MYO3B: variants seen among roughly 807,000 people sequenced by gnomAD.
MYO3B encodes the protein myosin-IIIb.
MYO3B carries 156 observed loss-of-function variants against 174.6 expected under a neutral mutation model. The ratio of observed to expected loss-of-function variants is 0.89; its 90% confidence interval spans 0.78 to 1.02. The LOEUF is 1.02. MYO3B is among the 50% of genes least tolerant of loss of function. The pLI, the probability that MYO3B is intolerant of heterozygous loss-of-function variation, is 0.00. For missense variants in MYO3B, 1,632 were observed against 1,639.4 expected (o/e 1.00, Z 0.08); for synonymous variants, 563 against 569.1 (o/e 0.99, Z 0.15).
At chr2:170,640,607 G>A (rs911149922) in intron 32 of MYO3B, 1 of 152,164 alleles carries the variant, frequency 6.6e-6, no homozygotes, top group African/African-American at 2.4e-5. Flanking sequence ...GTAAAATAAA[G>A]TTACTTTTTT....
intron 5 of MYO3B, among the ~76,000 whole-genome samples, chr2:170,216,389 TAGGTGTGA>T (rs2092828603): frequency 6.6e-6 from 1 of 152,224 alleles, no homozygotes; most frequent in South Asian, 2.1e-4. Context: ...CCCTCCGTGT[TAGGTGTGA>T]CTGTTGTGAT....
At chr2:170,646,265 CTGTCTCAAAAAAAAAAAAAAAGTGTTA>C (rs1296236498) in intron 32 of MYO3B, among the ~76,000 whole-genome samples, 1 of 144,376 alleles carries the variant, frequency 6.9e-6, no homozygotes, top group Non-Finnish European at 1.5e-5. Context: ...GAGCGAAACT[CTGTCTCAAAAAAAAAAAAAAAGTGTTA>C]TGTCTGTCTG....
intron 22 of MYO3B, among the ~76,000 whole-genome samples, chr2:170,438,865 T>C (rs1254539313): frequency 1.3e-5 from 2 of 151,876 alleles, no homozygotes; most frequent in Non-Finnish European, 2.9e-5. Context: ...AAACTCCTGA[T>C]TTGTGATCCA....
chr2:170,380,105 A>T (rs1306662974), intron 9 of MYO3B, among the ~76,000 whole-genome samples: 1 of 152,242 alleles, frequency 6.6e-6, no homozygotes, highest in Non-Finnish European at 1.5e-5. Flanking sequence ...ACCAGCTTCT[A>T]GGATCTAGCT....
At chr2:170,485,456 GAGGA>G (rs984739384) in intron 25 of MYO3B, among the ~76,000 whole-genome samples, 2 of 151,342 alleles carry the variant, frequency 1.3e-5, no homozygotes, top group African/African-American at 4.9e-5. Flanking sequence ...GAGTGAGTTA[GAGGA>G]AGAGGAATTT....
At chr2:170,546,374 G>A (rs73978705) in intron 32 of MYO3B, among the ~76,000 whole-genome samples, 2,434 of 152,268 alleles carry the variant, frequency 0.016, 55 homozygotes, top group African/African-American at 0.044. Flanking sequence ...TATAATGGAA[G>A]CAAGAATGAA....
At chr2:170,566,967 C>A (rs988253482) in intron 32 of MYO3B, among the ~76,000 whole-genome samples, 2 of 152,186 alleles carry the variant, frequency 1.3e-5, no homozygotes, top group African/African-American at 4.8e-5. Flanking sequence ...CAGACTTTAA[C>A]ATGGCTGTTT....
chr2:170,396,555 A>G (rs1033022324), intron 16 of MYO3B, among the ~76,000 whole-genome samples: 1 of 152,156 alleles, frequency 6.6e-6, no homozygotes, highest in African/African-American at 2.4e-5. Context: ...TCACTAAATC[A>G]AGGAAGGAGA....
chr2:170,442,609 C>T (rs2094809586), intron 22 of MYO3B, among the ~76,000 whole-genome samples: 1 of 151,464 alleles, frequency 6.6e-6, no homozygotes, highest in Non-Finnish European at 1.5e-5. Flanking sequence ...CCCATTAACT[C>T]ATCATTTACA....
At chr2:170,614,838 T>C (rs1695347726) in intron 32 of MYO3B, among the ~76,000 whole-genome samples, 1 of 152,212 alleles carries the variant, frequency 6.6e-6, no homozygotes, top group Admixed American at 6.5e-5. Flanking sequence ...CCTCCCAGCA[T>C]GAGCCCTCCA....
chr2:170,520,509 A>G (rs1042600611), intron 30 of MYO3B, among the ~76,000 whole-genome samples: 7 of 151,932 alleles, frequency 4.6e-5, no homozygotes, highest in Non-Finnish European at 2.9e-5. Context: ...ATACACACAC[A>G]CACATATATA....
At chr2:170,235,774 A>G (rs1028557209) in intron 6 of MYO3B, among the ~76,000 whole-genome samples, 4 of 152,240 alleles carry the variant, frequency 2.6e-5, no homozygotes, top group African/African-American at 9.6e-5. Context: ...ATGCTTTTTA[A>G]AAACAAAACT....
At chr2:170,484,596 G>A (rs1024436213) in intron 25 of MYO3B, among the ~76,000 whole-genome samples, 2 of 152,186 alleles carry the variant, frequency 1.3e-5, no homozygotes, top group African/African-American at 4.8e-5. Context: ...TGTATGCTAA[G>A]TGCTATCTAT....
At chr2:170,375,427 G>C (rs1259210277) in intron 9 of MYO3B, among the ~76,000 whole-genome samples, 1 of 151,924 alleles carries the variant, frequency 6.6e-6, no homozygotes, top group African/African-American at 2.4e-5. Context: ...AGGTGGCTTG[G>C]TACTAGCTGA....
At chr2:170,486,287 A>G (rs994014712) in intron 25 of MYO3B, among the ~76,000 whole-genome samples, 1 of 150,826 alleles carries the variant, frequency 6.6e-6, no homozygotes, top group Non-Finnish European at 1.5e-5. Context: ...TTTAAAAATC[A>G]CAGAATCCAT....
chr2:170,453,037 G>T (rs1683689031), intron 23 of MYO3B, among the ~76,000 whole-genome samples: 1 of 152,194 alleles, frequency 6.6e-6, no homozygotes, highest in African/African-American at 2.4e-5. Context: ...TAATTTTTAG[G>T]ACTAGCTATG....
chr2:170,383,715 C>T lies in MYO3B; in HGVS notation c.1191C>T (p.Ser397=). 6.2e-7 allele frequency: 1 copy of T among 1,612,820 alleles called. No homozygotes were observed. The highest frequency in any genetic ancestry group is 8.5e-7 in the Non-Finnish European group (1 of 1,178,940). The change falls in exon 12 of 35, where the codon TCC becomes TCT. Residue 397 remains serine, a synonymous_variant. Transcript: ENST00000408978. ...QNLSIYSPQF[S]RLYHGVKRAS... ...TTTAATTATTTTTCCTTCAGTTTTC[C>T]AGACTTTATCATGGGGTGAAACGCG...
chr2:170,310,369 A>G (rs1326793183), intron 7 of MYO3B, among the ~76,000 whole-genome samples: 2 of 152,168 alleles, frequency 1.3e-5, no homozygotes, highest in African/African-American at 4.8e-5. Flanking sequence ...AATACATTTA[A>G]GAAATACACT....
chr2:170,647,459 C>G (rs1221481743), intron 32 of MYO3B, among the ~76,000 whole-genome samples: 1 of 152,222 alleles, frequency 6.6e-6, no homozygotes, highest in Non-Finnish European at 1.5e-5. Flanking sequence ...TACTTCCCAA[C>G]TATTTATTCG....
Sources: allele counts gnomAD v4.1 joint callset (sites outside exome capture counted in the v4.1 genomes callset), GRCh38; gene constraint gnomAD v4.1.1; transcripts MANE v1.5; gene names NCBI Gene and HGNC (gene_info 2026-07-23, HGNC 2026-07-21).